CDH18: variants seen among roughly 807,000 people sequenced by gnomAD.
CDH18 encodes cadherin-18.
CDH18 carries 31 observed loss-of-function variants against 67.9 expected under a neutral mutation model. The ratio of observed to expected loss-of-function variants is 0.46; its 90% CI spans 0.34 to 0.62. CDH18 has a LOEUF of 0.62. CDH18 is among the 20% of genes least tolerant of loss of function. The probability of loss-of-function intolerance (pLI) is 0.01; values close to 1 mark genes in which losing one functional copy is unlikely to be tolerated. For missense variants in CDH18, 890 were observed against 975.5 expected (o/e 0.91, Z 1.17); for synonymous variants, 362 against 347.2 (o/e 1.04, Z -0.48).
chr5:19,862,907 A>G (rs1785058535), intron 2 of CDH18, among the ~76,000 whole-genome samples: 1 of 151,724 alleles, frequency 6.6e-6, no homozygotes, highest in South Asian at 2.1e-4. Flanking sequence ...AGAAGGGGGT[A>G]TGCCAGGCCA....
intron 2 of CDH18, among the ~76,000 whole-genome samples, chr5:20,201,447 A>G (rs2126755939): frequency 6.6e-6 from 1 of 152,246 alleles, no homozygotes; most frequent in African/African-American, 2.4e-5. Flanking sequence ...AAGGCAAAAT[A>G]GGATTGCAAT....
chr5:20,093,392 G>A (rs1325128719), intron 2 of CDH18, among the ~76,000 whole-genome samples: 1 of 150,518 alleles, frequency 6.6e-6, no homozygotes, highest in African/African-American at 2.4e-5. Context: ...TGATCTTGCA[G>A]GTAATACACG....
chr5:20,446,321 C>T (rs1169415289), intron 1 of CDH18, among the ~76,000 whole-genome samples: 1 of 152,110 alleles, frequency 6.6e-6, no homozygotes, highest in Non-Finnish European at 1.5e-5. Context: ...CAGGGGCTGT[C>T]TTAGTGACAG....
At chr5:19,978,080 T>G (rs1798676500) in intron 2 of CDH18, among the ~76,000 whole-genome samples, 1 of 152,126 alleles carries the variant, frequency 6.6e-6, no homozygotes, top group South Asian at 2.1e-4. Flanking sequence ...ATATTTTACT[T>G]TGTTTATTGT....
intron 1 of CDH18, among the ~76,000 whole-genome samples, chr5:20,431,913 C>G (rs1330362130): frequency 2.6e-5 from 4 of 152,118 alleles, no homozygotes; most frequent in African/African-American, 7.2e-5. Context: ...AGGCAGTATC[C>G]TTCTTACAAA....
intron 2 of CDH18, among the ~76,000 whole-genome samples, chr5:20,031,825 G>C (rs1739424908): frequency 6.6e-6 from 1 of 152,078 alleles, no homozygotes; most frequent in Non-Finnish European, 1.5e-5. Context: ...GATGAGTGGT[G>C]GAAGTATATT....
At chr5:20,426,234 CATAAG>C (rs1006756906) in intron 1 of CDH18, among the ~76,000 whole-genome samples, 1 of 151,022 alleles carries the variant, frequency 6.6e-6, no homozygotes, top group East Asian at 1.9e-4. Flanking sequence ...ATGGAAATTA[CATAAG>C]ATAATTCCTA....
chr5:20,150,753 ACT>A, intron 2 of CDH18, among the ~76,000 whole-genome samples: 1 of 152,044 alleles, frequency 6.6e-6, no homozygotes, highest in East Asian at 1.9e-4. Flanking sequence ...TTCTATGGAG[ACT>A]CTTAACTACA....
At chr5:19,893,697 T>C (rs1789007270) in intron 2 of CDH18, among the ~76,000 whole-genome samples, 1 of 152,122 alleles carries the variant, frequency 6.6e-6, no homozygotes, top group South Asian at 2.1e-4. Context: ...TTGTACTGAG[T>C]GGTAGAGACT....
chr5:19,532,337 T>C (rs1451155847), intron 9 of CDH18, among the ~76,000 whole-genome samples: 2 of 152,222 alleles, frequency 1.3e-5, no homozygotes, highest in Non-Finnish European at 2.9e-5. Flanking sequence ...CACTGGGTTG[T>C]TGACACCAAG....
At chr5:20,504,234 C>G (rs1489928419) in intron 1 of CDH18, among the ~76,000 whole-genome samples, 1 of 124,872 alleles carries the variant, frequency 8.0e-6, no homozygotes, top group African/African-American at 2.5e-5. Flanking sequence ...TTTCAAGAAG[C>G]AAAAACTTTA....
chr5:19,636,734 A>G (rs911920988), intron 5 of CDH18, among the ~76,000 whole-genome samples: 9 of 152,002 alleles, frequency 5.9e-5, no homozygotes, highest in Admixed American at 1.3e-4. Context: ...TCCATATTCC[A>G]TCAGAATTTT....
rs1737731930 is a variant in CDH18 at position 19,472,522 on chromosome 5, G to A, written c.*704C>T. ...AGGAGTATCCCATTAAAATAAAAGG[G>A]GGTGTACGGGATAGAGACAATAGTC... On this transcript the variant is annotated 3_prime_UTR_variant, in exon 13 of 13. Coordinates refer to ENST00000382275, the MANE Select transcript of CDH18 (RefSeq NM_004934.5). Among the ~76,000 whole-genome samples the A allele has an allele frequency of 6.6e-6, 1 of 151,940 alleles. No individual in the cohort carries two copies. The highest frequency in any genetic ancestry group is 2.1e-4 in the South Asian group (1 of 4,818).
intron 1 of CDH18, among the ~76,000 whole-genome samples, chr5:20,532,380 A>T (rs1340663566): frequency 6.6e-6 from 1 of 152,118 alleles, no homozygotes; most frequent in East Asian, 1.9e-4. Context: ...AACTTCCCTG[A>T]GAGTCTCTTT....
chr5:19,719,903 G>GAGAAAGAAAGAAAGAA (rs35867851), intron 5 of CDH18, among the ~76,000 whole-genome samples: 4,315 of 130,892 alleles, frequency 0.033, 89 homozygotes, highest in African/African-American at 0.049. Context: ...AGTTAAGCAA[G>GAGAAAGAAAGAAAGAA]AGAAAGAAAG....
chr5:19,915,633 GGAAGA>G (rs1256960010), intron 2 of CDH18, among the ~76,000 whole-genome samples: 4 of 151,948 alleles, frequency 2.6e-5, no homozygotes, highest in Non-Finnish European at 4.4e-5. Context: ...AAAATCACAA[GGAAGA>G]GAAAATTCAT....
intron 2 of CDH18, among the ~76,000 whole-genome samples, chr5:19,980,831 A>G (rs960454909): frequency 6.6e-6 from 1 of 152,158 alleles, no homozygotes; most frequent in Non-Finnish European, 1.5e-5. Context: ...CTCAATCAAT[A>G]TATGTGCAAA....
intron 1 of CDH18, among the ~76,000 whole-genome samples, chr5:20,397,498 A>G (rs1294577401): frequency 6.6e-6 from 1 of 152,148 alleles, no homozygotes; most frequent in Non-Finnish European, 1.5e-5. Context: ...TGTCCAAAAG[A>G]TAATTTTCAG....
intron 2 of CDH18, among the ~76,000 whole-genome samples, chr5:20,054,097 A>G (rs1483874034): frequency 6.6e-6 from 1 of 152,182 alleles, no homozygotes; most frequent in Non-Finnish European, 1.5e-5. Flanking sequence ...GAGAATTGTA[A>G]TTAGAATATA....
Sources: allele counts gnomAD v4.1 joint callset (sites outside exome capture counted in the v4.1 genomes callset), GRCh38; gene constraint gnomAD v4.1.1; transcripts MANE v1.5; gene names NCBI Gene and HGNC (gene_info 2026-07-23, HGNC 2026-07-21).